The following DNAI3 variants were observed in gnomAD, a reference collection of about 807,000 sequenced individuals.
The protein encoded by DNAI3 is dynein axonemal intermediate chain 3.
Under a neutral mutation model 115.5 loss-of-function variants are expected in DNAI3, and 83 were observed. The ratio of observed to expected loss-of-function variants is 0.72; its 90% CI spans 0.60 to 0.86. DNAI3 has a LOEUF of 0.86. Among genes scored for constraint, DNAI3 ranks in the 40% least tolerant of loss-of-function variants. The pLI, the probability that DNAI3 is intolerant of heterozygous loss-of-function variation, is 0.00. For synonymous variants in DNAI3, 320 were observed against 347.0 expected (o/e 0.92, Z 0.86); for missense variants, 1,004 against 1,075.8 (o/e 0.93, Z 0.93).
At chr1:85,126,432 C>T in intron 19 of DNAI3, 79 bp from the exon 20 acceptor site, 1 of 1,437,850 alleles carries the variant, frequency 7.0e-7, no homozygotes, top group Non-Finnish European at 9.4e-7. Flanking sequence ...TTGAGTTGTA[C>T]TTAATGAACA....
intron 9 of DNAI3, 155 bp from the exon 10 acceptor site, chr1:85,094,276 T>C (rs920048819): frequency 7.3e-6 from 7 of 961,602 alleles, no homozygotes. Context: ...ATGTAACTAG[T>C]GGCAACCACA....
intron 19 of DNAI3, among the ~76,000 whole-genome samples, chr1:85,126,054 G>A (rs1656124281): frequency 6.6e-6 from 1 of 152,156 alleles, no homozygotes; most frequent in Admixed American, 6.5e-5. Flanking sequence ...TCAACATGCA[G>A]TACACAGCTG....
chr1:85,115,820 T>C (rs1219053396), intron 16 of DNAI3, among the ~76,000 whole-genome samples: 2 of 152,210 alleles, frequency 1.3e-5, no homozygotes, highest in African/African-American at 4.8e-5. Flanking sequence ...ATGCTGCTGC[T>C]GTCTGACAGG....
At chr1:85,100,308 C>G (rs188242195) in intron 13 of DNAI3, among the ~76,000 whole-genome samples, 2 of 152,070 alleles carry the variant, frequency 1.3e-5, no homozygotes, top group East Asian at 3.9e-4. Context: ...AAAAAGTGGA[C>G]GAAGGATATG....
chr1:85,098,245 T>C (rs1655185877), intron 12 of DNAI3, among the ~76,000 whole-genome samples: 1 of 152,198 alleles, frequency 6.6e-6, no homozygotes, highest in African/African-American at 2.4e-5. Context: ...CAGCCTTCTA[T>C]AGGCACAAAG....
At position 85,071,986 on chromosome 1, in the gene DNAI3, A is replaced by G. The variant is rs917427120; in HGVS notation, c.45A>G (p.Arg15=). 1.2e-6 allele frequency: 2 copies of G among 1,612,850 alleles called. No individual in the cohort carries two copies. The highest frequency in any genetic ancestry group is 2.7e-5 in the African/African-American group (2 of 74,874). Residue 15 remains arginine, a synonymous_variant, in exon 2 of 23, where the codon AGA becomes AGG. Coordinates refer to ENST00000294664, the MANE Select transcript of DNAI3 (RefSeq NM_145172.5). ...AAAAGACATCACGTGGCAAAAAAAG[A>G]CTAAAACCAGTATTAGCTGGTAGGA... ...QKKKTSRGKK[R]LKPVLAASED...
intron 7 of DNAI3, among the ~76,000 whole-genome samples, chr1:85,089,294 C>G (rs1292099514): frequency 1.3e-5 from 2 of 151,098 alleles, no homozygotes; most frequent in African/African-American, 4.9e-5. Flanking sequence ...ATGATAGAAC[C>G]AGGCTTCAAA....
At chr1:85,100,904 A>G (rs1655282243) in intron 13 of DNAI3, among the ~76,000 whole-genome samples, 1 of 150,604 alleles carries the variant, frequency 6.6e-6, no homozygotes, top group Non-Finnish European at 1.5e-5. Flanking sequence ...GTTCTCACCC[A>G]TAGGTGGGAA....
chr1:85,126,247 T>A (rs1367261993), intron 19 of DNAI3, among the ~76,000 whole-genome samples: 1 of 152,182 alleles, frequency 6.6e-6, no homozygotes, highest in Admixed American at 6.5e-5. Flanking sequence ...GGTTTAGAAG[T>A]TGGATTATTA....
chr1:85,100,180 C>T (rs1160047862), intron 13 of DNAI3, among the ~76,000 whole-genome samples: 1 of 152,144 alleles, frequency 6.6e-6, no homozygotes, highest in African/African-American at 2.4e-5. Flanking sequence ...TCAGAGTGAA[C>T]AGGCAACCTA....
At chr1:85,073,172 C>A in intron 3 of DNAI3, 80 bp downstream of exon 3, 1 of 1,002,004 alleles carries the variant, frequency 1.0e-6, no homozygotes. Context: ...AGGAATACTA[C>A]AAACTGAAGT....
chr1:85,133,028 C>A lies in DNAI3; in HGVS notation c.*30C>A, dbSNP rs1656389459. 1 of 1,590,740 alleles carries A rather than the reference C, an allele frequency of 6.3e-7. No homozygotes were observed. The highest frequency in any genetic ancestry group is 1.2e-5 in the South Asian group (1 of 86,800). On this transcript the variant is annotated 3_prime_UTR_variant, in exon 23 of 23. Transcript: ENST00000294664. ...GCTTCCTGAAGGGGTGTTTTGGGGA[C>A]TTCTTCCCTCTATTTATTTTTATGT...
At chr1:85,132,315 C>G (rs1165144773) in intron 22 of DNAI3, among the ~76,000 whole-genome samples, 2 of 152,244 alleles carry the variant, frequency 1.3e-5, no homozygotes, top group Non-Finnish European at 2.9e-5. Context: ...CTGTACAGTT[C>G]AACACAGATT....
At chr1:85,104,190 G>A (rs1243782785) in intron 13 of DNAI3, among the ~76,000 whole-genome samples, 1 of 146,470 alleles carries the variant, frequency 6.8e-6, no homozygotes, top group African/African-American at 2.5e-5. Flanking sequence ...GCACCATCTC[G>A]GCTCACTGCA....
chr1:85,102,177 A>G (rs1468618595), intron 13 of DNAI3, among the ~76,000 whole-genome samples: 1 of 152,158 alleles, frequency 6.6e-6, no homozygotes, highest in Non-Finnish European at 1.5e-5. Context: ...AATCTATTAT[A>G]TATTACAAAA....
intron 16 of DNAI3, among the ~76,000 whole-genome samples, chr1:85,110,523 C>A (rs1485540210): frequency 6.6e-6 from 1 of 150,984 alleles, no homozygotes; most frequent in Non-Finnish European, 1.5e-5. Context: ...TTATGACTAA[C>A]GTGAGTTACT....
At chr1:85,068,406 G>T (rs1187852112) in intron 1 of DNAI3, among the ~76,000 whole-genome samples, 5 of 152,056 alleles carry the variant, frequency 3.3e-5, no homozygotes, top group African/African-American at 9.7e-5. Flanking sequence ...ATCTTATTGG[G>T]TCTACTTAAC....
At chr1:85,074,786 T>A (rs764262495) in intron 3 of DNAI3, among the ~76,000 whole-genome samples, 5 of 152,224 alleles carry the variant, frequency 3.3e-5, no homozygotes, top group Non-Finnish European at 7.4e-5. Flanking sequence ...CATTAACTAG[T>A]CAATACATAA....
Position 85,090,168 on chromosome 1 carries a change from G to C in DNAI3, c.793G>C (p.Glu265Gln), listed in dbSNP as rs771724495. The C allele has an allele frequency of 6.3e-7, 1 of 1,592,376 alleles. No individual in the cohort carries two copies. The highest frequency in any genetic ancestry group is 8.5e-7 in the Non-Finnish European group (1 of 1,171,160). The change falls in exon 8 of 23, where the codon GAG (glutamate) becomes CAG (glutamine). Residue 265 changes from glutamate to glutamine, a missense_variant. This residue lies in a region of DNAI3 where 550 missense variants were observed against 568.1 expected (regional missense o/e 0.97). Transcript: ENST00000294664. Reference protein sequence around the residue: ...TQYYPREFSEEEKETLKQSKP... With the variant: ...TQYYPREFSEQEKETLKQSKP... ...ATATTATCCAAGAGAATTCTCAGAA[G>C]AGGAAAAAGAGACACTCAAACAATC...
Sources: allele counts gnomAD v4.1 joint callset (sites outside exome capture counted in the v4.1 genomes callset), GRCh38; gene constraint gnomAD v4.1.1; regional missense constraint gnomAD v4.1.1; transcripts MANE v1.5; gene names NCBI Gene and HGNC (gene_info 2026-07-23, HGNC 2026-07-21).